PAK5: variants seen among roughly 807,000 people sequenced by gnomAD.
The protein encoded by PAK5 is p21 (RAC1) activated kinase 5.
PAK5 carries 16 observed loss-of-function variants against 65.9 expected under a neutral mutation model. The ratio of observed to expected loss-of-function variants is 0.24; its 90% confidence interval spans 0.16 to 0.37. The LOEUF (loss-of-function observed/expected upper bound fraction) is 0.37, where lower values mean the gene tolerates loss of function less well. PAK5 is among the 10% of genes least tolerant of loss of function. The pLI is 1.00. For missense variants in PAK5, 785 were observed against 903.9 expected (o/e 0.87, Z 1.69); for synonymous variants, 371 against 354.9 (o/e 1.05, Z -0.51).
chr20:9,806,858 G>A (rs2049238967), intron 1 of PAK5, among the ~76,000 whole-genome samples: 1 of 152,164 alleles, frequency 6.6e-6, no homozygotes, highest in Non-Finnish European at 1.5e-5. Flanking sequence ...AGTTCTGGAT[G>A]TCAGAAGTAC....
At position 9,599,529 on chromosome 20, in the gene PAK5, A is replaced by T. The variant is rs1009906967; in HGVS notation, c.205-18599T>A. ...AAACACTTGTTATTTTCCATTAAAA[A>T]TATTATTTTAATCATAGCCATCCTA... On this transcript the variant is annotated intron_variant, in intron 3 of 9. Transcript: ENST00000353224. Among the ~76,000 whole-genome samples, 8 of 152,350 alleles carry T rather than the reference A, an allele frequency of 5.3e-5. No homozygotes were observed. In the South Asian group the frequency reaches 1.0e-3, roughly 20 times the overall value.
At chr20:9,756,269 G>A (rs79449944) in intron 1 of PAK5, among the ~76,000 whole-genome samples, 1 of 152,246 alleles carries the variant, frequency 6.6e-6, no homozygotes, top group Non-Finnish European at 1.5e-5. Flanking sequence ...GAAATCAGAG[G>A]AGCACAATCT....
At position 9,692,473 on chromosome 20, in the gene PAK5, G is replaced by A. The variant is rs181800714; in HGVS notation, c.-12+18813C>T. ...CAATTTTATTTCAACTGGCAGTTAG[G>A]TTATGTTTTATTCCATGGATAAACT... On this transcript the variant is annotated intron_variant, in intron 2 of 9. Coordinates refer to ENST00000353224, the MANE Select transcript of PAK5 (RefSeq NM_177990.4). Among the ~76,000 whole-genome samples the A allele has an allele frequency of 4.0e-3, 610 of 152,212 alleles. 7 individuals are homozygous for A. The highest frequency in any genetic ancestry group is 6.4e-3 in the Non-Finnish European group (432 of 68,012).
intron 1 of PAK5, among the ~76,000 whole-genome samples, chr20:9,714,176 A>G (rs2048113308): frequency 6.6e-6 from 1 of 151,974 alleles, no homozygotes; most frequent in Non-Finnish European, 1.5e-5. Flanking sequence ...GAGCCCGGGT[A>G]TTTTCTTCTG....
chr20:9,640,718 C>T lies in PAK5; in HGVS notation c.204+3407G>A, dbSNP rs147748656. On this transcript the variant is annotated intron_variant, in intron 3 of 9. Transcript: ENST00000353224. Reference sequence around the variant, plus strand: ...CAGAATTTCTTCCTTCTGGTGTGTTCGTGGTCTCGCTGGCTCAGGAGTGAA... The same window carrying T: ...CAGAATTTCTTCCTTCTGGTGTGTTTGTGGTCTCGCTGGCTCAGGAGTGAA... Among the ~76,000 whole-genome samples the T allele has an allele frequency of 3.7e-3, 556 of 152,132 alleles. 4 individuals carry two copies. The highest frequency in any genetic ancestry group is 0.013 in the African/African-American group (541 of 41,506).
At chr20:9,646,475 C>T (rs760466552) in intron 2 of PAK5, among the ~76,000 whole-genome samples, 8 of 152,140 alleles carry the variant, frequency 5.3e-5, no homozygotes, top group South Asian at 2.1e-4. Flanking sequence ...TAACTTAAAA[C>T]AATTCTGTAA....
chr20:9,673,675 T>C (rs1374002747), intron 2 of PAK5, among the ~76,000 whole-genome samples: 1 of 152,234 alleles, frequency 6.6e-6, no homozygotes, highest in Non-Finnish European at 1.5e-5. Context: ...CTTTTCCTCT[T>C]ATCTGTTCTA....
intron 1 of PAK5, among the ~76,000 whole-genome samples, chr20:9,815,805 C>T (rs1014372204): frequency 2.0e-5 from 3 of 152,134 alleles, no homozygotes; most frequent in Non-Finnish European, 4.4e-5. Context: ...ATCCAATATG[C>T]TTCTATTTCA....
chr20:9,567,939 A>C (rs2045710041), intron 4 of PAK5, among the ~76,000 whole-genome samples: 1 of 152,134 alleles, frequency 6.6e-6, no homozygotes, highest in South Asian at 2.1e-4. Context: ...GTGAGGGAAA[A>C]AGCAAGATCC....
chr20:9,723,537 C>T (rs1344598279), intron 1 of PAK5, among the ~76,000 whole-genome samples: 1 of 152,182 alleles, frequency 6.6e-6, no homozygotes, highest in Non-Finnish European at 1.5e-5. Flanking sequence ...TTGTAGGTCA[C>T]TCCCTCTCTG....
chr20:9,830,353 T>C (rs1978610707), intron 1 of PAK5, among the ~76,000 whole-genome samples: 1 of 152,204 alleles, frequency 6.6e-6, no homozygotes, highest in Admixed American at 6.5e-5. Context: ...GCCACAGACA[T>C]TTCCTATTTA....
At chr20:9,583,478 A>T (rs902981098) in intron 3 of PAK5, among the ~76,000 whole-genome samples, 4 of 152,338 alleles carry the variant, frequency 2.6e-5, no homozygotes, top group African/African-American at 9.6e-5. Flanking sequence ...GTTTGCATTC[A>T]AAGCACTGTT....
chr20:9,829,295 G>A (rs1412547949), intron 1 of PAK5, among the ~76,000 whole-genome samples: 1 of 152,208 alleles, frequency 6.6e-6, no homozygotes, highest in Non-Finnish European at 1.5e-5. Context: ...GTCAAAGTGG[G>A]TTGATTAATC....
chr20:9,594,042 G>C (rs1427700483), intron 3 of PAK5, among the ~76,000 whole-genome samples: 1 of 152,210 alleles, frequency 6.6e-6, no homozygotes, highest in Non-Finnish European at 1.5e-5. Flanking sequence ...AATCATCAGG[G>C]TGGAGGCCAG....
At chr20:9,618,705 G>A (rs548058457) in intron 3 of PAK5, among the ~76,000 whole-genome samples, 8 of 151,760 alleles carry the variant, frequency 5.3e-5, no homozygotes, top group South Asian at 2.1e-4. Context: ...GAGCCACTGC[G>A]CCCGGCTGGA....
chr20:9,729,728 C>G (rs1168725970), intron 1 of PAK5, among the ~76,000 whole-genome samples: 1 of 152,194 alleles, frequency 6.6e-6, no homozygotes, highest in African/African-American at 2.4e-5. Flanking sequence ...TCTATCCCCA[C>G]TGCAGGTAGA....
intron 3 of PAK5, among the ~76,000 whole-genome samples, chr20:9,612,050 C>G (rs2046571247): frequency 6.6e-6 from 1 of 152,186 alleles, no homozygotes; most frequent in African/African-American, 2.4e-5. Flanking sequence ...TTCTGCCACC[C>G]CCATGCCCCT....
At chr20:9,718,384 G>A (rs2048174825) in intron 1 of PAK5, among the ~76,000 whole-genome samples, 1 of 152,048 alleles carries the variant, frequency 6.6e-6, no homozygotes, top group Non-Finnish European at 1.5e-5. Context: ...TAGAACGGCT[G>A]TTGTATTACT....
chr20:9,658,064 G>T (rs1438888199), intron 2 of PAK5, among the ~76,000 whole-genome samples: 2 of 152,164 alleles, frequency 1.3e-5, no homozygotes, highest in Non-Finnish European at 2.9e-5. Flanking sequence ...GCGAAGTAGG[G>T]TTTCCCCAAA....
Sources: gnomAD v4.1 joint callset for allele counts (sites outside exome capture counted in the v4.1 genomes callset) on GRCh38, gnomAD v4.1.1 for gene constraint, MANE v1.5 for transcripts, NCBI Gene and HGNC (gene_info 2026-07-23, HGNC 2026-07-21) for gene names.